The following ZMYND11 variants were observed in gnomAD, a reference collection of about 807,000 sequenced individuals.
ZMYND11 encodes the protein zinc finger MYND domain-containing protein 11.
A neutral mutation model predicts 84.9 loss-of-function variants in ZMYND11; 9 were observed. The ratio of observed to expected loss-of-function variants is 0.11; its 90% CI spans 0.06 to 0.18. The LOEUF (loss-of-function observed/expected upper bound fraction) is 0.18, where lower values mean the gene tolerates loss of function less well. ZMYND11 is among the 10% of genes least tolerant of loss of function. The pLI is 1.00. For missense variants in ZMYND11, 409 were observed against 761.0 expected, an observed-to-expected ratio of 0.54 and a Z score of 5.44; for synonymous variants, 250 against 244.1, an observed-to-expected ratio of 1.02 and a Z score of -0.23.
At chr10:221,142 C>A in intron 3 of ZMYND11, 53 bp from the exon 4 acceptor site, 1 of 1,516,050 alleles carries the variant, frequency 6.6e-7, no homozygotes. Flanking sequence ...TGTTCTTAGT[C>A]ATTGCAGATA....
rs377365639 is a variant in ZMYND11 at position 162,314 on chromosome 10, A to G, written c.-19-17680A>G. ...ACTGATCACAGATCACCATAACTCA[A>G]TAACAATAATGGAAAAGTCTGAAAT... is the stretch of plus-strand genomic sequence containing the variant. On this transcript the variant is annotated intron_variant, in intron 1 of 14. Transcript: ENST00000381604. Among the ~76,000 whole-genome samples, 104 of 152,340 alleles carry G rather than the reference A, an allele frequency of 6.8e-4. 1 individual carries two copies. The highest frequency in any genetic ancestry group is 2.3e-3 in the African/African-American group (96 of 41,576).
intron 2 of ZMYND11, among the ~76,000 whole-genome samples, chr10:189,832 T>C (rs1939846680): frequency 6.6e-6 from 1 of 152,200 alleles, no homozygotes; most frequent in African/African-American, 2.4e-5. Flanking sequence ...TACAACACTA[T>C]AGACCTTATT....
intron 2 of ZMYND11, among the ~76,000 whole-genome samples, chr10:207,619 A>G (rs1944423884): frequency 6.6e-6 from 1 of 152,204 alleles, no homozygotes; most frequent in Non-Finnish European, 1.5e-5. Context: ...AAGGAGAACT[A>G]CAAACCACTG....
At position 236,829 on chromosome 10, in the gene ZMYND11, TTTC is replaced by T; in HGVS notation, c.439-8_439-6del. 6.2e-7 allele frequency: 1 copy of T among 1,607,808 alleles called. No individual in the cohort carries two copies. Among genetic ancestry groups the T allele is most frequent in the South Asian group, 1.1e-5 (1 of 89,596 alleles). On this transcript the variant is annotated splice_polypyrimidine_tract_variant and splice_region_variant and intron_variant, in intron 4 of 14. Transcript: ENST00000381604. ...TTTGTACCTTTTTTTATTCTTTTTTTTTCAATAGAGCATTAAGAAGAAGAATAC... is the reference window on the plus strand; with the variant it reads ...TTTGTACCTTTTTTTATTCTTTTTTTAATAGAGCATTAAGAAGAAGAATAC...
rs376931420 is a variant in ZMYND11 at position 158,984 on chromosome 10, G to GTTTT, written c.-19-21007_-19-21004dup. ...AGATATATGATTTGCAGGGTTTTTT[G>GTTTT]TTTTTTGTTTTTTTTTTTTTTTTTA... is the stretch of plus-strand genomic sequence containing the variant. On this transcript the variant is annotated intron_variant, in intron 1 of 14. Coordinates refer to ENST00000381604, the MANE Select transcript of ZMYND11 (RefSeq NM_001370100.5). Among the ~76,000 whole-genome samples, 140 of 40,018 alleles carry GTTTT rather than the reference G, an allele frequency of 3.5e-3. 8 individuals carry two copies. Among genetic ancestry groups the GTTTT allele is most frequent in the Non-Finnish European group, 5.2e-3 (100 of 19,326 alleles). The allele number at this position is 40,018 out of a possible 152,430, so 26.3% of individuals were successfully genotyped here. A position where few individuals can be genotyped will look rare whatever the true frequency, so the allele number is the denominator to read the frequency against.
At chr10:133,458 A>G (rs1835376457), upstream of ZMYND11, among the ~76,000 whole-genome samples, 3 of 152,232 alleles carry the variant, frequency 2.0e-5, no homozygotes, top group South Asian at 6.2e-4. Context: ...TATCTAACTT[A>G]CATTAGGTTG....
chr10:221,655 C>T (rs1487599458), intron 4 of ZMYND11, among the ~76,000 whole-genome samples: 2 of 152,124 alleles, frequency 1.3e-5, no homozygotes, highest in Non-Finnish European at 2.9e-5. Context: ...AAATACGAAA[C>T]CTACTAACAT....
At chr10:162,745 A>C (rs1843192621) in intron 1 of ZMYND11, among the ~76,000 whole-genome samples, 1 of 152,190 alleles carries the variant, frequency 6.6e-6, no homozygotes, top group Non-Finnish European at 1.5e-5. Context: ...AGTTTATTTA[A>C]GATTTTGGCA....
At chr10:248,672 T>C in intron 13 of ZMYND11, 64 bp downstream of exon 13, 3 of 1,523,926 alleles carry the variant, frequency 2.0e-6, no homozygotes, top group East Asian at 2.3e-5. Flanking sequence ...GTTAGGCTCC[T>C]TTCACTCATG....
intron 6 of ZMYND11, among the ~76,000 whole-genome samples, chr10:239,120 G>A (rs976082377): frequency 3.3e-5 from 5 of 152,144 alleles, no homozygotes; most frequent in South Asian, 2.1e-4. Flanking sequence ...CCAAGCATTC[G>A]TGCACTACCA....
chr10:178,811 T>C (rs1455470685), intron 1 of ZMYND11, among the ~76,000 whole-genome samples: 1 of 152,186 alleles, frequency 6.6e-6, no homozygotes, highest in Non-Finnish European at 1.5e-5. Context: ...TTTAGGAGCC[T>C]GACTGACCCA....
intron 1 of ZMYND11, among the ~76,000 whole-genome samples, chr10:159,114 C>G (rs1438069875): frequency 1.4e-5 from 2 of 142,894 alleles, no homozygotes; most frequent in Non-Finnish European, 3.0e-5. Context: ...GACATGATCC[C>G]TCTTTTTTTT....
chr10:178,116 G>A (rs1278315857), intron 1 of ZMYND11, among the ~76,000 whole-genome samples: 11 of 152,068 alleles, frequency 7.2e-5, no homozygotes, highest in Non-Finnish European at 1.0e-4. Context: ...TTACCTCAGC[G>A]AGAAGTAGTG....
intron 2 of ZMYND11, among the ~76,000 whole-genome samples, chr10:181,480 G>C (rs1847876085): frequency 6.6e-6 from 1 of 152,184 alleles, no homozygotes; most frequent in Non-Finnish European, 1.5e-5. Flanking sequence ...TTAGCCTGGT[G>C]TGGTGGTGCA....
chr10:240,320 A>G (rs971764547), intron 8 of ZMYND11, among the ~76,000 whole-genome samples: 1 of 152,212 alleles, frequency 6.6e-6, no homozygotes, highest in African/African-American at 2.4e-5. Flanking sequence ...CCTGGCCAAC[A>G]TGGTGAAACC....
At chr10:162,075 C>A (rs539297886) in intron 1 of ZMYND11, among the ~76,000 whole-genome samples, 1 of 152,122 alleles carries the variant, frequency 6.6e-6, no homozygotes, top group Non-Finnish European at 1.5e-5. Flanking sequence ...TGTGACTCTT[C>A]GTTCACTTGA....
At chr10:208,671 C>A (rs537987795) in intron 2 of ZMYND11, among the ~76,000 whole-genome samples, 4 of 152,232 alleles carry the variant, frequency 2.6e-5, no homozygotes, top group African/African-American at 9.6e-5. Flanking sequence ...ATTGCTTGTT[C>A]TGTCAATGCA....
chr10:244,376 T>C (rs1951688438), intron 10 of ZMYND11: 1 of 152,110 alleles, frequency 6.6e-6, no homozygotes, highest in Admixed American at 6.5e-5. Context: ...GACACGCAAA[T>C]AGAATATGCT....
At chr10:147,436 TTTTTAAAAGTAAACAG>T (rs1839161479) in intron 1 of ZMYND11, among the ~76,000 whole-genome samples, 1 of 152,104 alleles carries the variant, frequency 6.6e-6, no homozygotes, top group African/African-American at 2.4e-5. Context: ...TGAGCTCTAC[TTTTTAAAAGTAAACAG>T]TTTTATTTTA....
Sources: allele counts gnomAD v4.1 joint callset (sites outside exome capture counted in the v4.1 genomes callset), GRCh38; gene constraint gnomAD v4.1.1; transcripts MANE v1.5; gene names NCBI Gene and HGNC (gene_info 2026-07-23, HGNC 2026-07-21).